Variants in MRPS5 observed in about 807,000 individuals in gnomAD.
MRPS5 encodes the protein mitochondrial ribosomal protein S5.
A neutral mutation model predicts 51.9 loss-of-function variants in MRPS5; 27 were observed. The ratio of observed to expected loss-of-function variants is 0.52; its 90% CI spans 0.38 to 0.72. The LOEUF (loss-of-function observed/expected upper bound fraction) is 0.72, where lower values mean the gene tolerates loss of function less well. Among genes scored for constraint, MRPS5 ranks in the 30% least tolerant of loss-of-function variants. The pLI, the probability that MRPS5 is intolerant of heterozygous loss-of-function variation, is 0.00. For missense variants in MRPS5, 570 were observed against 545.7 expected (o/e 1.04, Z -0.44); for synonymous variants, 196 against 193.2 (o/e 1.01, Z -0.12).
chr2:95,112,833 T>C (rs1431242444), intron 3 of MRPS5, among the ~76,000 whole-genome samples: 1 of 151,492 alleles, frequency 6.6e-6, no homozygotes, highest in East Asian at 2.0e-4. Flanking sequence ...TGAAACCCCA[T>C]CTCTACTAAA....
chr2:95,114,000 G>A (rs1164682487), intron 3 of MRPS5, among the ~76,000 whole-genome samples: 1 of 150,130 alleles, frequency 6.7e-6, no homozygotes, highest in African/African-American at 2.5e-5. Context: ...CGCCCCTGTA[G>A]TCCCAGCTAC....
At position 95,085,842 on chromosome 2, in the gene MRPS5, T is replaced by A. The variant is rs1225414040; in HGVS notation, c.*1515A>T. 6.6e-6 allele frequency among the ~76,000 whole-genome samples: 1 copy of A among 152,018 alleles called. No homozygotes were observed. The highest frequency in any genetic ancestry group is 2.4e-5 in the African/African-American group (1 of 41,362). On this transcript the variant is annotated 3_prime_UTR_variant, in exon 12 of 12. Transcript: ENST00000272418. ...CTCATCATAACAAGAACTAGGACAT[T>A]GTAAACTTGAATGAGAAAAAACCTC...
At chr2:95,108,905 AGC>A (rs1676034473) in intron 4 of MRPS5, among the ~76,000 whole-genome samples, 1 of 152,176 alleles carries the variant, frequency 6.6e-6, no homozygotes, top group Non-Finnish European at 1.5e-5. Context: ...ATTTCTTTTT[AGC>A]TATTTATATA....
intron 11 of MRPS5, among the ~76,000 whole-genome samples, chr2:95,088,229 T>C (rs1675354952): frequency 6.6e-6 from 1 of 152,220 alleles, no homozygotes. Flanking sequence ...TTTTTAGGTA[T>C]GATAATAGTA....
At chr2:95,116,279 T>C (rs1175812577) in intron 2 of MRPS5, among the ~76,000 whole-genome samples, 2 of 151,382 alleles carry the variant, frequency 1.3e-5, no homozygotes, top group African/African-American at 4.8e-5. Flanking sequence ...AAATATTTAA[T>C]TATTAACTTA....
At chr2:95,087,854 C>G (rs1361186655) in intron 11 of MRPS5, among the ~76,000 whole-genome samples, 2 of 152,126 alleles carry the variant, frequency 1.3e-5, no homozygotes. Context: ...GATTATGCAC[C>G]ATGCTGTGCC....
rs532743925 is a variant in MRPS5, at chr2:95,111,706, T to C, written c.278-1665A>G. On this transcript the variant is annotated intron_variant, in intron 3 of 11. Coordinates refer to ENST00000272418, the MANE Select transcript of MRPS5 (RefSeq NM_031902.5). Reference sequence around the variant, plus strand: ...AAAAATAATCATAATCCCATTACCATTGTTAGATAAGAATGTATATTCTGC... The same window carrying C: ...AAAAATAATCATAATCCCATTACCACTGTTAGATAAGAATGTATATTCTGC... 2.4e-4 allele frequency among the ~76,000 whole-genome samples: 36 copies of C among 152,326 alleles called. No homozygotes were observed. In the South Asian group the frequency reaches 3.7e-3, roughly 16 times the overall value.
chr2:95,103,386 A>G (rs1164973259), intron 7 of MRPS5, among the ~76,000 whole-genome samples: 1 of 152,232 alleles, frequency 6.6e-6, no homozygotes, highest in East Asian at 1.9e-4. Flanking sequence ...AAAAATGCAA[A>G]TCAAAACTGA....
chr2:95,095,532 G>C (rs1464747261), intron 10 of MRPS5, among the ~76,000 whole-genome samples: 1 of 152,170 alleles, frequency 6.6e-6, no homozygotes, highest in Non-Finnish European at 1.5e-5. Flanking sequence ...AATCAAACTA[G>C]AACTCAGGAT....
At chr2:95,106,484 C>G (rs774918202) in intron 5 of MRPS5, 27 bp from the exon 6 acceptor site, 3 of 1,589,192 alleles carry the variant, frequency 1.9e-6, no homozygotes, top group Non-Finnish European at 2.6e-6. Flanking sequence ...AACAGGGATA[C>G]AGATGAAATG....
intron 1 of MRPS5, among the ~76,000 whole-genome samples, chr2:95,118,648 T>A (rs1360434538): frequency 6.6e-6 from 1 of 152,250 alleles, no homozygotes; most frequent in Non-Finnish European, 1.5e-5. Flanking sequence ...CTGACTGTAC[T>A]GTGTACCCTC....
chr2:95,086,711 T>A lies in MRPS5; in HGVS notation c.*646A>T, dbSNP rs1487321540. Reference sequence around the variant, plus strand: ...TAGGGGGGCTTATATCTAGAAACTATAAGGAACTCAATAATAATAAAAAAT... The same window carrying A: ...TAGGGGGGCTTATATCTAGAAACTAAAAGGAACTCAATAATAATAAAAAAT... On this transcript the variant is annotated 3_prime_UTR_variant, in exon 12 of 12. Transcript: ENST00000272418. 6.6e-6 allele frequency among the ~76,000 whole-genome samples: 1 copy of A among 152,058 alleles called. No individual in the cohort carries two copies. Among genetic ancestry groups the A allele is most frequent in the Non-Finnish European group, 1.5e-5 (1 of 68,016 alleles).
intron 10 of MRPS5, among the ~76,000 whole-genome samples, chr2:95,097,802 A>T (rs566072681): frequency 3.1e-4 from 47 of 152,282 alleles, no homozygotes; most frequent in Admixed American, 1.4e-3. Flanking sequence ...GGACTTCATG[A>T]CTAAAACACC....
Position 95,100,637 on chromosome 2 carries a change from C to T in MRPS5, c.869-101G>A, listed in dbSNP as rs951515910. On this transcript the variant is annotated intron_variant, in intron 9 of 11. Coordinates refer to ENST00000272418, the MANE Select transcript of MRPS5 (RefSeq NM_031902.5). ...TGTATACTAGCCTCAACAGCCAGCA[C>T]ATATTGACCAAAGATAAATGGTAAG... 10 of 978,052 alleles carry T rather than the reference C, an allele frequency of 1.0e-5. No individual in the cohort carries two copies. In the Admixed American group the frequency reaches 2.2e-4, roughly 21 times the overall value. 60.6% of individuals were successfully genotyped at this position (978,052 alleles called of 1,614,324 possible).
At chr2:95,117,158 A>G (rs1245880511) in intron 2 of MRPS5, among the ~76,000 whole-genome samples, 3 of 151,958 alleles carry the variant, frequency 2.0e-5, no homozygotes, top group Non-Finnish European at 2.9e-5. Flanking sequence ...AAAAAAAAAA[A>G]AAAGAAACAC....
chr2:95,114,513 G>A (rs543372261), intron 3 of MRPS5, among the ~76,000 whole-genome samples: 4 of 151,992 alleles, frequency 2.6e-5, no homozygotes, highest in African/African-American at 4.8e-5. Context: ...CCTTGTGATC[G>A]ACCCGTCTCG....
chr2:95,101,654 AC>A (rs1483920448), intron 8 of MRPS5, 22 bp downstream of exon 8: 1 of 1,579,090 alleles, frequency 6.3e-7, no homozygotes, highest in Admixed American at 1.9e-5. Context: ...CTGAGTGTCA[AC>A]AAAGAAAAAA....
chr2:95,092,866 T>C (rs907158838), intron 10 of MRPS5: 1 of 152,220 alleles, frequency 6.6e-6, no homozygotes, highest in Non-Finnish European at 1.5e-5. Flanking sequence ...TGGGACTGGT[T>C]GGACAGTGGG....
chr2:95,121,865 CA>C (rs1449704846), upstream of MRPS5: 1 of 1,455,136 alleles, frequency 6.9e-7, no homozygotes, highest in Non-Finnish European at 9.1e-7. Flanking sequence ...TGCTCCTCGT[CA>C]AACGGCAAGC....
Sources: gnomAD v4.1 joint callset for allele counts (sites outside exome capture counted in the v4.1 genomes callset) on GRCh38, gnomAD v4.1.1 for gene constraint, MANE v1.5 for transcripts, NCBI Gene and HGNC (gene_info 2026-07-23, HGNC 2026-07-21) for gene names.